FANCD2: variants seen among roughly 807,000 people sequenced by gnomAD.
The protein encoded by FANCD2 is FA complementation group D2, also known as Fanconi anemia group D2 protein.
FANCD2 carries 131 observed loss-of-function variants against 192.3 expected under a neutral mutation model. The ratio of observed to expected loss-of-function variants is 0.68; its 90% confidence interval spans 0.59 to 0.79. The LOEUF (loss-of-function observed/expected upper bound fraction) is 0.79, where lower values mean the gene tolerates loss of function less well. Among genes scored for constraint, FANCD2 ranks in the 30% least tolerant of loss-of-function variants. The pLI is 0.00. For synonymous variants in FANCD2, 524 were observed against 612.5 expected, an observed-to-expected ratio of 0.86 and a Z score of 2.13; for missense variants, 1,508 against 1,701.6, an observed-to-expected ratio of 0.89 and a Z score of 2.00.
At chr3:10,054,330 A>G (rs36086483) in intron 18 of FANCD2, among the ~76,000 whole-genome samples, 1 of 139,050 alleles carries the variant, frequency 7.2e-6, no homozygotes, top group African/African-American at 2.8e-5. Flanking sequence ...GACTTTGAAC[A>G]ACCAGCATAT....
chr3:10,057,266 T>C (rs2087439257), intron 18 of FANCD2, among the ~76,000 whole-genome samples: 1 of 152,240 alleles, frequency 6.6e-6, no homozygotes, highest in Admixed American at 6.5e-5. Context: ...TTTTCTCCCA[T>C]TCTATGGGTT....
At chr3:10,050,504 T>G (rs1279808272) in intron 17 of FANCD2, among the ~76,000 whole-genome samples, 4 of 150,982 alleles carry the variant, frequency 2.6e-5, no homozygotes, top group Admixed American at 6.7e-5. Context: ...TCGCCTGTAG[T>G]CCCAGCTACT....
chr3:10,092,257 G>A lies in FANCD2; in HGVS notation c.3849+5G>A, dbSNP rs532389664. 8 of 1,604,986 alleles carry A rather than the reference G, an allele frequency of 5.0e-6. No homozygotes were observed. Among genetic ancestry groups the A allele is most frequent in the South Asian group, 4.4e-5 (4 of 90,860 alleles). On this transcript the variant is annotated splice_donor_5th_base_variant and intron_variant, in intron 38 of 43. Transcript: ENST00000675286. Reference sequence around the variant, plus strand: ...ATCCTCATCAACTTGATAAAGGTGAGTATGGAGACTGCTTGACACATCTCA... The same window carrying A: ...ATCCTCATCAACTTGATAAAGGTGAATATGGAGACTGCTTGACACATCTCA...
At chr3:10,057,798 A>C (rs1423590157) in intron 18 of FANCD2, among the ~76,000 whole-genome samples, 3 of 152,234 alleles carry the variant, frequency 2.0e-5, no homozygotes, top group Admixed American at 6.5e-5. Context: ...ATTAAAAAAA[A>C]CAGCATATTC....
At chr3:10,084,802 C>G (rs889215920) in intron 32 of FANCD2, among the ~76,000 whole-genome samples, 2 of 152,096 alleles carry the variant, frequency 1.3e-5, no homozygotes, top group Admixed American at 6.6e-5. Context: ...AAAGGTCAGG[C>G]AGAATAATTT....
intron 26 of FANCD2, among the ~76,000 whole-genome samples, chr3:10,071,388 C>T (rs552670991): frequency 1.3e-5 from 2 of 152,292 alleles, no homozygotes; most frequent in East Asian, 3.9e-4. Flanking sequence ...GATATCTGCA[C>T]TCCCATGTTT....
Position 10,090,359 on chromosome 3 carries a change from C to G in FANCD2, c.3751C>G (p.Pro1251Ala), listed in dbSNP as rs568515612. The G allele has an allele frequency of 6.2e-6, 10 of 1,611,338 alleles. No homozygotes were observed. The Admixed American group carries it at 8.4e-5, about 13-fold the overall frequency. ...ELEKTVKKIE[P>A]GTAADSQQIH... The stretch of plus-strand genomic sequence containing the variant: ...AGAGAAGACGGTGAAAAAAATTGAG[C>G]CTGGCACAGCAGCAGACTCGCAGCA... The change falls in exon 37 of 44, where the codon CCT becomes GCT. Residue 1251 changes from proline to alanine, a missense_variant. Pro to Ala is a conservative substitution (Grantham distance 27). Transcript: ENST00000675286.
intron 18 of FANCD2, 136 bp downstream of exon 18, chr3:10,052,633 C>T (rs1345487235): frequency 2.9e-6 from 2 of 679,834 alleles, no homozygotes; most frequent in African/African-American, 1.8e-5. Context: ...ATTCTCCTGC[C>T]TCAGCCTCCC....
rs143576157 is a variant in FANCD2, at chr3:10,050,421, A to C, written c.1545+916A>C. Reference sequence around the variant, plus strand: ...GGGCAAATCACGAGGTCAGGAGATCAAGACCATCCTGCCTAACACGGTGAA... The same window carrying C: ...GGGCAAATCACGAGGTCAGGAGATCCAGACCATCCTGCCTAACACGGTGAA... On this transcript the variant is annotated intron_variant, in intron 17 of 43. Transcript: ENST00000675286. Among the ~76,000 whole-genome samples, 6 of 150,680 alleles carry C rather than the reference A, an allele frequency of 4.0e-5. No individual in the cohort carries two copies. The East Asian group carries it at 6.0e-4, about 15-fold the overall frequency.
intron 4 of FANCD2, 36 bp from the exon 5 acceptor site, chr3:10,034,659 A>G (rs768164124): frequency 1.9e-5 from 29 of 1,524,110 alleles, no homozygotes; most frequent in Non-Finnish European, 2.5e-5. Context: ...TTAAACTAAA[A>G]ATTTTATTCT....
intron 9 of FANCD2, chr3:10,040,369 T>C (rs575810051): frequency 4.9e-6 from 2 of 407,296 alleles, no homozygotes; most frequent in African/African-American, 2.1e-5. Flanking sequence ...ATACCTGTTA[T>C]GAGCGTGAAG....
chr3:10,054,237 C>T (rs1053801030), intron 18 of FANCD2, among the ~76,000 whole-genome samples: 46 of 149,228 alleles, frequency 3.1e-4, no homozygotes, highest in African/African-American at 1.0e-3. Context: ...ATAAATAAAA[C>T]GAAGAGATTA....
chr3:10,043,002 C>A, intron 11 of FANCD2, 48 bp from the exon 12 acceptor site: 1 of 1,485,296 alleles, frequency 6.7e-7, no homozygotes, highest in Non-Finnish European at 9.4e-7. Flanking sequence ...ACTGTGCCTA[C>A]CCACTATGAA....
At chr3:10,044,239 C>T (rs1223494801) in intron 14 of FANCD2, among the ~76,000 whole-genome samples, 1 of 152,216 alleles carries the variant, frequency 6.6e-6, no homozygotes, top group Non-Finnish European at 1.5e-5. Context: ...GCACCACTGT[C>T]AAGATAATGG....
At position 10,034,539 on chromosome 3, in the gene FANCD2, AT is replaced by A. The variant is rs1258988223; in HGVS notation, c.273+4del. The stretch of plus-strand genomic sequence containing the variant: ...GGAGACACCCTTCCTATCCCAAAGT[AT>A]GTATTTTTCCCCTGGTATTTTTGCT... On this transcript the variant is annotated splice_donor_region_variant and intron_variant, in intron 4 of 43. Transcript: ENST00000675286. The A allele has an allele frequency of 1.9e-6, 3 of 1,607,888 alleles. No individual in the cohort carries two copies. The highest frequency in any genetic ancestry group is 2.7e-5 in the African/African-American group (2 of 74,782).
intron 37 of FANCD2, among the ~76,000 whole-genome samples, chr3:10,091,710 C>G: frequency 6.6e-6 from 1 of 151,894 alleles, no homozygotes; most frequent in East Asian, 1.9e-4. Context: ...ACTAGGAACT[C>G]TTTGAAAAAA....
chr3:10,078,216 A>C lies in FANCD2; in HGVS notation c.2976+19A>C. On this transcript the variant is annotated intron_variant, in intron 30 of 43. Transcript: ENST00000675286. ...TCTCAAGGTTAGTGTAGGCAGAAGC[A>C]TAGGACTTGGGCATAGTGGATTTGG... 3 of 1,491,790 alleles carry C rather than the reference A, an allele frequency of 2.0e-6. No individual in the cohort carries two copies. The South Asian group carries it at 3.4e-5, about 17-fold the overall frequency. The allele number at this position is 1,491,790 out of a possible 1,614,324, so 92.4% of individuals were successfully genotyped here. A position where few individuals can be genotyped will look rare whatever the true frequency, so the allele number is the denominator to read the frequency against.
chr3:10,088,607 CAG>C (rs1694383595), intron 35 of FANCD2, 65 bp downstream of exon 35: 1 of 1,235,746 alleles, frequency 8.1e-7, no homozygotes, highest in Non-Finnish European at 1.2e-6. Context: ...TGTTGTTTGT[CAG>C]AGACTGGACA....
intron 17 of FANCD2, 146 bp downstream of exon 17, chr3:10,049,651 A>T (rs2087138735): frequency 1.2e-6 from 1 of 816,982 alleles, no homozygotes; most frequent in African/African-American, 1.7e-5. Context: ...ACACTTCTTT[A>T]TACCTAACCT....
Sources: allele counts gnomAD v4.1 joint callset (sites outside exome capture counted in the v4.1 genomes callset), GRCh38; gene constraint gnomAD v4.1.1; transcripts MANE v1.5; gene names NCBI Gene and HGNC (gene_info 2026-07-23, HGNC 2026-07-21).